The following EHMT1 variants were observed in gnomAD, a reference collection of about 807,000 sequenced individuals.
The protein encoded by EHMT1 is euchromatic histone lysine methyltransferase 1.
A neutral mutation model predicts 147.2 loss-of-function variants in EHMT1; 15 were observed. The observed-to-expected ratio is 0.10, with a 90% CI of 0.07 to 0.16. The LOEUF (loss-of-function observed/expected upper bound fraction) is 0.16, where lower values mean the gene tolerates loss of function less well. Ranked by LOEUF, EHMT1 falls within the 10% of genes least tolerant of loss-of-function variation. The pLI, the probability that EHMT1 is intolerant of heterozygous loss-of-function variation, is 1.00. For missense variants in EHMT1, 1,587 were observed against 1,772.4 expected, an observed-to-expected ratio of 0.90 and a Z score of 1.88; for synonymous variants, 795 against 709.6, an observed-to-expected ratio of 1.12 and a Z score of -1.91.
At position 137,822,099 on chromosome 9, in the gene EHMT1, C is replaced by G. The variant is rs368757758; in HGVS notation, c.3540+3961C>G. ...CCCTGTGAGCCCTTAGTCCCTCCTT[C>G]TCCCCTGCCCATCCTGGTGGATGAG... On this transcript the variant is annotated intron_variant, in intron 25 of 26. Transcript: ENST00000460843. 1.2e-4 allele frequency among the ~76,000 whole-genome samples: 18 copies of G among 152,364 alleles called. No homozygotes were observed. In the East Asian group the frequency reaches 3.5e-3, roughly 29 times the overall value.
At chr9:137,802,368 G>A in intron 18 of EHMT1, 1 of 398,736 alleles carries the variant, frequency 2.5e-6, no homozygotes, top group African/African-American at 2.1e-5. Context: ...GGCCAGAAAT[G>A]GGAGGTGCTG....
chr9:137,774,404 C>T (rs73576123), intron 10 of EHMT1, among the ~76,000 whole-genome samples: 6,667 of 146,852 alleles, frequency 0.045, 487 homozygotes, highest in African/African-American at 0.16. Context: ...AGTGTGGTCG[C>T]GTCTGACCCC....
intron 25 of EHMT1, among the ~76,000 whole-genome samples, chr9:137,826,784 C>A (rs879937313): frequency 6.6e-6 from 1 of 152,222 alleles, no homozygotes; most frequent in African/African-American, 2.4e-5. Flanking sequence ...GCGGCTGTGG[C>A]CTTCACTGGC....
At chr9:137,666,789 A>G (rs916882013) in intron 1 of EHMT1, among the ~76,000 whole-genome samples, 3 of 152,240 alleles carry the variant, frequency 2.0e-5, no homozygotes, top group African/African-American at 7.2e-5. Context: ...GAGAGGCAGC[A>G]GAGTCTCCAC....
rs537804310 is a variant in EHMT1 at position 137,801,121 on chromosome 9, G to A, written c.2712+137G>A. 433 of 775,938 alleles carry A rather than the reference G, an allele frequency of 5.6e-4. No individual in the cohort carries two copies. In the African/African-American group the frequency reaches 5.6e-3, roughly 10 times the overall value. The allele number at this position is 775,938 out of a possible 1,614,324, so 48.1% of individuals were successfully genotyped here. On this transcript the variant is annotated intron_variant, in intron 18 of 26. Coordinates refer to ENST00000460843, the MANE Select transcript of EHMT1 (RefSeq NM_024757.5). ...CCTCTTCCTGTGGCAGCATCGGCCC[G>A]GCACTGTGCTGTGGCTGTCCTGTGC...
At position 137,775,365 on chromosome 9, in the gene EHMT1, A is replaced by G. The variant is rs1051222550; in HGVS notation, c.1791+113A>G. The G allele has an allele frequency of 1.3e-6, 2 of 1,482,604 alleles. No individual in the cohort carries two copies. Among genetic ancestry groups the G allele is most frequent in the Non-Finnish European group, 1.8e-6 (2 of 1,099,256 alleles). 91.8% of individuals were successfully genotyped at this position (1,482,604 alleles called of 1,614,324 possible). A position where few individuals can be genotyped will look rare whatever the true frequency, so the allele number is the denominator to read the frequency against. ...TGTCGGGTGGTCCAGCAGCTGGCCC[A>G]GGTCTGGTGTCCGTCTGGAGGTCTC... On this transcript the variant is annotated intron_variant, in intron 11 of 26. Coordinates refer to ENST00000460843, the MANE Select transcript of EHMT1 (RefSeq NM_024757.5). The surrounding 1 kb of genome is among the most constrained non-coding windows in gnomAD (Gnocchi z 6.1).
At chr9:137,807,582 A>G (rs957594010) in intron 18 of EHMT1, among the ~76,000 whole-genome samples, 1 of 151,830 alleles carries the variant, frequency 6.6e-6, no homozygotes, top group Non-Finnish European at 1.5e-5. Context: ...ATCTTGGCCC[A>G]TTGTAACCTC....
In EHMT1 at chr9:137,835,214, G is replaced by T; in HGVS notation, c.*261G>T. The T allele has an allele frequency of 2.7e-6, 1 of 377,344 alleles. No individual in the cohort carries two copies. Among genetic ancestry groups the T allele is most frequent in the Admixed American group, 4.7e-5 (1 of 21,188 alleles). The allele number at this position is 377,344 out of a possible 1,614,324, so 23.4% of individuals were successfully genotyped here. On this transcript the variant is annotated 3_prime_UTR_variant, in exon 27 of 27. Coordinates refer to ENST00000460843, the MANE Select transcript of EHMT1 (RefSeq NM_024757.5). Reference sequence around the variant, plus strand: ...TTTGGTCCGCGCGCCAGAGACGCTGGGAGTCCGCACTGGCATCACCTTCTG... The same window carrying T: ...TTTGGTCCGCGCGCCAGAGACGCTGTGAGTCCGCACTGGCATCACCTTCTG...
At chr9:137,666,230 T>C (rs985316172) in intron 1 of EHMT1, among the ~76,000 whole-genome samples, 2 of 152,220 alleles carry the variant, frequency 1.3e-5, no homozygotes, top group Admixed American at 6.5e-5. Context: ...ATGTGCACTT[T>C]CTTGGGAGTG....
At chr9:137,780,782 T>C (rs113668308) in intron 14 of EHMT1, among the ~76,000 whole-genome samples, 8 of 85,284 alleles carry the variant, frequency 9.4e-5, no homozygotes, top group East Asian at 3.9e-4. Context: ...GTGATGACGC[T>C]GAGATGTGTG....
Position 137,706,119 on chromosome 9 carries a change from C to T in EHMT1, c.22-4848C>T, listed in dbSNP as rs1046737181. 4.6e-5 allele frequency among the ~76,000 whole-genome samples: 7 copies of T among 151,812 alleles called. No individual in the cohort carries two copies. In the South Asian group the frequency reaches 6.2e-4, roughly 14 times the overall value. On this transcript the variant is annotated intron_variant, in intron 1 of 26. Coordinates refer to ENST00000460843, the MANE Select transcript of EHMT1 (RefSeq NM_024757.5). ...GCTAGGCTCTGCCAGTCAAGGCACACGGGGCCATGGCAGGGCAGGGCATGC... is the reference window on the plus strand; with the variant it reads ...GCTAGGCTCTGCCAGTCAAGGCACATGGGGCCATGGCAGGGCAGGGCATGC...
At chr9:137,811,110 T>C (rs1232744080) in intron 18 of EHMT1, among the ~76,000 whole-genome samples, 2 of 152,160 alleles carry the variant, frequency 1.3e-5, no homozygotes, top group African/African-American at 4.8e-5. Context: ...TTTTTAAAAA[T>C]ACATGAAAGA....
intron 1 of EHMT1, among the ~76,000 whole-genome samples, chr9:137,649,661 G>A (rs1589116264): frequency 6.6e-6 from 1 of 152,092 alleles, no homozygotes; most frequent in African/African-American, 2.4e-5. Context: ...ACTCAGGGAA[G>A]AAGCCACAGC....
At chr9:137,645,707 T>C (rs1207420743) in intron 1 of EHMT1, among the ~76,000 whole-genome samples, 5 of 152,158 alleles carry the variant, frequency 3.3e-5, no homozygotes, top group Admixed American at 6.5e-5. Flanking sequence ...GGTTGGCTTT[T>C]GTACTTGCAG....
chr9:137,813,036 C>T lies in EHMT1; in HGVS notation c.2898C>T (p.Thr966=), dbSNP rs547668698. The change falls in exon 20 of 27, where the codon ACC becomes ACT. Residue 966 remains threonine (T), a synonymous_variant. Transcript: ENST00000460843. The surrounding 1 kb of genome is among the most constrained non-coding windows in gnomAD (Gnocchi z 4.9). Reference sequence around the variant, plus strand: ...TTCTTTCTCGGGATTCAGATGTCACCTTAAAGAACAAGGAAGGAGAGACGC... The same window carrying T: ...TTCTTTCTCGGGATTCAGATGTCACTTTAAAGAACAAGGAAGGAGAGACGC... The part of the protein sequence containing the change: ...VLFLSRDSDV[T]LKNKEGETPL... The T allele has an allele frequency of 3.1e-6, 5 of 1,614,006 alleles. No individual in the cohort carries two copies. In the African/African-American group the frequency reaches 5.3e-5, roughly 17 times the overall value.
At chr9:137,827,128 A>T (rs549137951) in intron 25 of EHMT1, among the ~76,000 whole-genome samples, 4 of 152,112 alleles carry the variant, frequency 2.6e-5, no homozygotes, top group African/African-American at 9.6e-5. Flanking sequence ...TCACCTCCTC[A>T]GGGACATCCT....
chr9:137,757,365 C>T lies in EHMT1; in HGVS notation c.1370-515C>T, dbSNP rs531525829. ...GACACTGATCCTTTCCGGGAGCCTC[C>T]CTGGATTTCAGCCAGGACGCCCGGG... On this transcript the variant is annotated intron_variant, in intron 8 of 26. Coordinates refer to ENST00000460843, the MANE Select transcript of EHMT1 (RefSeq NM_024757.5). 3.3e-5 allele frequency among the ~76,000 whole-genome samples: 5 copies of T among 152,320 alleles called. No individual in the cohort carries two copies. The South Asian group carries it at 8.3e-4, about 25-fold the overall frequency.
At position 137,716,816 on chromosome 9, in the gene EHMT1, G is replaced by C; in HGVS notation, c.276G>C (p.Ala92=). Residue 92 remains alanine (A), a synonymous_variant, in exon 3 of 27, where the codon GCG becomes GCC. Transcript: ENST00000460843. ...GCACCAACACACTAACTCGGATAGC[G>C]GAAAATGGGGTTTCAGAAAGAGACT... ...QDGTNTLTRI[A]ENGVSERDSE... 1 of 1,613,302 alleles carries C rather than the reference G, an allele frequency of 6.2e-7. No homozygotes were observed. The highest frequency in any genetic ancestry group is 8.5e-7 in the Non-Finnish European group (1 of 1,179,892).
chr9:137,762,652 G>A (rs577175180), intron 9 of EHMT1, 23 bp from the exon 10 acceptor site: 1 of 1,614,152 alleles, frequency 6.2e-7, no homozygotes, highest in African/African-American at 1.3e-5. Context: ...TGCATGAGCT[G>A]ACATGTGTCT....
Sources: allele counts gnomAD v4.1 joint callset (sites outside exome capture counted in the v4.1 genomes callset), GRCh38; gene constraint gnomAD v4.1.1; non-coding constraint Gnocchi (gnomAD v3.1); transcripts MANE v1.5; gene names NCBI Gene and HGNC (gene_info 2026-07-23, HGNC 2026-07-21).